Variants in FAM135B observed in about 807,000 individuals in gnomAD.
The protein encoded by FAM135B is family with sequence similarity 135 member B.
In FAM135B, 43 loss-of-function variants were observed where a neutral mutation model predicts 127.7. That is an observed-to-expected ratio of 0.34 (90% confidence interval 0.26 to 0.43). The LOEUF (loss-of-function observed/expected upper bound fraction) is 0.43. FAM135B is among the 20% of genes least tolerant of loss of function. The pLI is 1.00. For synonymous variants in FAM135B, 670 were observed against 665.1 expected (o/e 1.01, Z -0.11); for missense variants, 1,558 against 1,725.6 (o/e 0.90, Z 1.72).
intron 3 of FAM135B, among the ~76,000 whole-genome samples, chr8:138,295,829 G>A (rs970841187): frequency 6.6e-6 from 1 of 152,212 alleles, no homozygotes; most frequent in African/African-American, 2.4e-5. Flanking sequence ...AAAAGGCTTT[G>A]TGTAAGTGGG....
At chr8:138,197,447 T>C (rs948573408) in intron 8 of FAM135B, 69 bp downstream of exon 8, 1 of 1,552,694 alleles carries the variant, frequency 6.4e-7, no homozygotes, top group Admixed American at 1.8e-5. Flanking sequence ...TGCCAGCTTT[T>C]CCCCATCCCT....
chr8:138,368,854 A>C (rs1205358793), intron 1 of FAM135B, among the ~76,000 whole-genome samples: 1 of 152,208 alleles, frequency 6.6e-6, no homozygotes, highest in Non-Finnish European at 1.5e-5. Flanking sequence ...TCTAGATACC[A>C]GGAATGTGAT....
At chr8:138,185,082 A>C (rs891698016) in intron 9 of FAM135B, among the ~76,000 whole-genome samples, 3 of 152,206 alleles carry the variant, frequency 2.0e-5, no homozygotes, top group Non-Finnish European at 4.4e-5. Context: ...TCCTAGCGCC[A>C]GGAATTCCCT....
chr8:138,395,636 A>G (rs1451162376), intron 1 of FAM135B, among the ~76,000 whole-genome samples: 2 of 152,138 alleles, frequency 1.3e-5, no homozygotes, highest in African/African-American at 4.8e-5. Flanking sequence ...ATATTTATCA[A>G]CCACATATTA....
At position 138,353,747 on chromosome 8, in the gene FAM135B, C is replaced by T. The variant is rs73440118; in HGVS notation, c.77+14160G>A. 5.4e-3 allele frequency among the ~76,000 whole-genome samples: 816 copies of T among 151,888 alleles called. 4 individuals carry two copies. The highest frequency in any genetic ancestry group is 0.016 in the African/African-American group (659 of 41,480). ...ATGGATGGCATCAAGTGAGTTGATA[C>T]AGTAAAAACTCCTGGCACAGTCTGA... On this transcript the variant is annotated intron_variant, in intron 2 of 19. Coordinates refer to ENST00000395297, the MANE Select transcript of FAM135B (RefSeq NM_015912.4).
intron 2 of FAM135B, chr8:138,367,282 C>T (rs1358128832): frequency 1.4e-5 from 6 of 426,474 alleles, no homozygotes; most frequent in African/African-American, 1.0e-4. Context: ...ACATGTAGTT[C>T]ACATCTGTGT....
chr8:138,256,676 C>T lies in FAM135B; in HGVS notation c.368+13G>A. On this transcript the variant is annotated intron_variant, in intron 5 of 19. Coordinates refer to ENST00000395297, the MANE Select transcript of FAM135B (RefSeq NM_015912.4). ...CTGTGCTACTACAATTCAATAATTT[C>T]CATGACACTCACTGCTGTTCACTGT... The T allele has an allele frequency of 6.2e-7, 1 of 1,611,758 alleles. No individual in the cohort carries two copies. Among genetic ancestry groups the T allele is most frequent in the South Asian group, 1.1e-5 (1 of 90,958 alleles).
chr8:138,414,649 T>C (rs529504565), intron 1 of FAM135B, among the ~76,000 whole-genome samples: 10 of 149,820 alleles, frequency 6.7e-5, no homozygotes, highest in Non-Finnish European at 1.2e-4. Flanking sequence ...GATTATTAAC[T>C]GATTAATTTT....
At chr8:138,480,787 A>G (rs1038167493) in intron 1 of FAM135B, among the ~76,000 whole-genome samples, 13 of 152,194 alleles carry the variant, frequency 8.5e-5, no homozygotes, top group African/African-American at 2.9e-4. Context: ...TTAACAAGTT[A>G]GCCTTCTGAA....
chr8:138,434,823 G>A (rs767544551), intron 1 of FAM135B, among the ~76,000 whole-genome samples: 9 of 152,140 alleles, frequency 5.9e-5, no homozygotes, highest in Non-Finnish European at 1.3e-4. Context: ...AAGTAGGTGG[G>A]GGTACATGCC....
At chr8:138,392,670 C>G (rs903299941) in intron 1 of FAM135B, among the ~76,000 whole-genome samples, 1 of 152,176 alleles carries the variant, frequency 6.6e-6, no homozygotes. Flanking sequence ...TGACCTTAGA[C>G]AAGTAACTTA....
At chr8:138,486,666 C>T (rs149036243) in intron 1 of FAM135B, among the ~76,000 whole-genome samples, 1 of 152,308 alleles carries the variant, frequency 6.6e-6, no homozygotes, top group Non-Finnish European at 1.5e-5. Flanking sequence ...GCATCCTGTG[C>T]CATCAGGCTG....
intron 1 of FAM135B, among the ~76,000 whole-genome samples, chr8:138,384,610 G>A: frequency 6.6e-6 from 1 of 151,852 alleles, no homozygotes; most frequent in South Asian, 2.1e-4. Context: ...AGTAACTACA[G>A]AGAGAGAGAG....
At chr8:138,328,413 G>T (rs1827951280) in intron 2 of FAM135B, among the ~76,000 whole-genome samples, 1 of 152,082 alleles carries the variant, frequency 6.6e-6, no homozygotes, top group Admixed American at 6.6e-5. Flanking sequence ...ATGACCTTGA[G>T]CAGCAGGACA....
At chr8:138,290,328 T>C (rs1414429689) in intron 3 of FAM135B, among the ~76,000 whole-genome samples, 6 of 152,196 alleles carry the variant, frequency 3.9e-5, no homozygotes, top group African/African-American at 1.2e-4. Flanking sequence ...AGAGAAACGA[T>C]ACAAAGAAGG....
chr8:138,300,341 G>A (rs962717360), intron 3 of FAM135B, among the ~76,000 whole-genome samples: 12 of 151,862 alleles, frequency 7.9e-5, no homozygotes, highest in Admixed American at 1.3e-4. Context: ...ACATTCAGCA[G>A]AGCCTGGAGA....
chr8:138,344,621 G>C (rs1829286555), intron 2 of FAM135B, among the ~76,000 whole-genome samples: 2 of 134,736 alleles, frequency 1.5e-5, no homozygotes, highest in Non-Finnish European at 3.0e-5. Flanking sequence ...TGTCGCCCAG[G>C]CTGGAGTGCA....
intron 1 of FAM135B, chr8:138,440,101 A>G (rs1220896294): frequency 6.6e-6 from 1 of 152,192 alleles, no homozygotes. Context: ...GAACTTGACA[A>G]GCTCACCAGG....
chr8:138,463,379 C>G (rs1017630417), intron 1 of FAM135B, among the ~76,000 whole-genome samples: 8 of 152,092 alleles, frequency 5.3e-5, no homozygotes, highest in African/African-American at 1.9e-4. Context: ...TCAAGGAACT[C>G]AAGAAGGGTG....
Sources: allele counts gnomAD v4.1 joint callset (sites outside exome capture counted in the v4.1 genomes callset), GRCh38; gene constraint gnomAD v4.1.1; transcripts MANE v1.5; gene names NCBI Gene and HGNC (gene_info 2026-07-23, HGNC 2026-07-21).